ENDOD1: variants seen among roughly 807,000 people sequenced by gnomAD.
ENDOD1 encodes the protein endonuclease domain-containing 1 protein.
In ENDOD1, 9 loss-of-function variants were observed where a neutral mutation model predicts 6.5. The observed-to-expected ratio is 1.39, with a 90% CI of 0.84 to 2.43. The LOEUF (loss-of-function observed/expected upper bound fraction) is 2.43. Among genes scored for constraint, ENDOD1 ranks in the 30% most tolerant of loss-of-function variants. The pLI is 0.00. For missense variants in ENDOD1, 648 were observed against 635.5 expected (o/e 1.02, Z -0.21); for synonymous variants, 255 against 255.2 (o/e 1.00, Z 0.01).
chr11:95,112,645 C>T (rs541700838), intron 1 of ENDOD1, among the ~76,000 whole-genome samples: 2 of 152,336 alleles, frequency 1.3e-5, no homozygotes, highest in East Asian at 3.9e-4. Flanking sequence ...GCTTTACTGA[C>T]CTATCTGTTT....
intron 1 of ENDOD1, among the ~76,000 whole-genome samples, chr11:95,108,221 G>GA (rs1859110370): frequency 6.6e-6 from 1 of 152,122 alleles, no homozygotes; most frequent in Non-Finnish European, 1.5e-5. Context: ...CCACCCTTTC[G>GA]AACGTTTTAT....
chr11:95,113,480 A>G (rs1859170178), intron 1 of ENDOD1, among the ~76,000 whole-genome samples: 1 of 152,162 alleles, frequency 6.6e-6, no homozygotes, highest in Admixed American at 6.5e-5. Flanking sequence ...GATCCCACAA[A>G]TAAGTGAGAA....
chr11:95,118,075 A>T (rs1859227834), intron 1 of ENDOD1, among the ~76,000 whole-genome samples: 1 of 152,088 alleles, frequency 6.6e-6, no homozygotes, highest in Admixed American at 6.6e-5. Flanking sequence ...TGATTCCCCC[A>T]CTTTTTCACT....
chr11:95,126,094 G>T lies in ENDOD1; in HGVS notation c.301-2283G>T, dbSNP rs77474602. ...AGGATCATTGCTCCTTCTAAGAATG[G>T]GGGAAGGCATGGAGTGAATGAGTAG... is the stretch of plus-strand genomic sequence containing the variant. On this transcript the variant is annotated intron_variant, in intron 1 of 1. Coordinates refer to ENST00000278505, the MANE Select transcript of ENDOD1 (RefSeq NM_015036.3). Among the ~76,000 whole-genome samples the T allele has an allele frequency of 7.5e-3, 1,140 of 152,266 alleles. 17 individuals carry two copies. Among genetic ancestry groups the T allele is most frequent in the African/African-American group, 0.026 (1,064 of 41,558 alleles).
chr11:95,127,352 G>C (rs1363299815), intron 1 of ENDOD1, among the ~76,000 whole-genome samples: 1 of 152,144 alleles, frequency 6.6e-6, no homozygotes, highest in East Asian at 1.9e-4. Flanking sequence ...TGTATATATT[G>C]ATGGCAATTG....
At chr11:95,120,076 C>G (rs1387693069) in intron 1 of ENDOD1, among the ~76,000 whole-genome samples, 1 of 152,184 alleles carries the variant, frequency 6.6e-6, no homozygotes, top group East Asian at 1.9e-4. Context: ...GTGGGCTCCC[C>G]TCTGACCCAG....
intron 1 of ENDOD1, among the ~76,000 whole-genome samples, chr11:95,126,654 G>A (rs1212970159): frequency 2.0e-5 from 3 of 151,702 alleles, no homozygotes; most frequent in East Asian, 1.9e-4. Flanking sequence ...TTATCATTAC[G>A]AACCCCTTTA....
At chr11:95,093,588 G>T (rs1299182904) in intron 1 of ENDOD1, among the ~76,000 whole-genome samples, 10 of 152,200 alleles carry the variant, frequency 6.6e-5, no homozygotes, top group African/African-American at 2.4e-4. Context: ...AGCCCTTGAG[G>T]AATGATGATT....
At chr11:95,105,391 AT>A (rs1555111330) in intron 1 of ENDOD1, among the ~76,000 whole-genome samples, 1 of 152,252 alleles carries the variant, frequency 6.6e-6, no homozygotes. Context: ...TGCTGTGTAT[AT>A]AGTTGTAATA....
Position 95,111,727 on chromosome 11 carries a change from C to T in ENDOD1, c.301-16650C>T, listed in dbSNP as rs149355515. Among the ~76,000 whole-genome samples, 1,011 of 152,236 alleles carry T rather than the reference C, an allele frequency of 6.6e-3. 12 individuals carry two copies. Among genetic ancestry groups the T allele is most frequent in the Non-Finnish European group, 7.6e-3 (516 of 68,006 alleles). ...ATGGCTGTAAATATAGATGAAACTT[C>T]GCTTGCTCACCCACTGTTCACCTCC... On this transcript the variant is annotated intron_variant, in intron 1 of 1. Coordinates refer to ENST00000278505, the MANE Select transcript of ENDOD1 (RefSeq NM_015036.3).
intron 1 of ENDOD1, among the ~76,000 whole-genome samples, chr11:95,104,607 A>C (rs1490566000): frequency 6.6e-6 from 1 of 152,162 alleles, no homozygotes; most frequent in Non-Finnish European, 1.5e-5. Context: ...GGTATTTCTG[A>C]TATTTCAAAT....
Position 95,110,574 on chromosome 11 carries a change from C to CGT in ENDOD1, c.301-17800_301-17799dup, listed in dbSNP as rs758027047. On this transcript the variant is annotated intron_variant, in intron 1 of 1. Coordinates refer to ENST00000278505, the MANE Select transcript of ENDOD1 (RefSeq NM_015036.3). The stretch of plus-strand genomic sequence containing the variant: ...ACTCTTTTTTGCTGACTTTCAAGTC[C>CGT]GTGTATGTATGTGTGTGTGTGTGTG... Among the ~76,000 whole-genome samples, 441 of 138,810 alleles carry CGT rather than the reference C, an allele frequency of 3.2e-3. 2 individuals are homozygous for CGT. The highest frequency in any genetic ancestry group is 7.8e-3 in the African/African-American group (279 of 35,832). 91.1% of individuals were successfully genotyped at this position (138,810 alleles called of 152,430 possible).
In ENDOD1 at chr11:95,129,310, C is replaced by T. The variant is rs1343102015; in HGVS notation, c.1234C>T (p.Leu412Phe). 2.5e-6 allele frequency: 4 copies of T among 1,614,072 alleles called. No individual in the cohort carries two copies. Among genetic ancestry groups the T allele is most frequent in the Non-Finnish European group, 3.4e-6 (4 of 1,180,050 alleles). The stretch of plus-strand genomic sequence containing the variant: ...GGTCGTGGCCAAAGTCATCAGGGCT[C>T]TCCTCCGGATCCTTTGTTGTCTGCT... ...LKVVAKVIRA[L>F]LRILCCLLKA... is the part of the protein sequence containing the mutation. The change falls in exon 2 of 2, where the codon CTC becomes TTC. Residue 412 changes from leucine (L) to phenylalanine (F), a missense_variant. Physicochemically the swap from Leu to Phe is conservative, Grantham distance 22. Coordinates refer to ENST00000278505, the MANE Select transcript of ENDOD1 (RefSeq NM_015036.3).
intron 1 of ENDOD1, among the ~76,000 whole-genome samples, chr11:95,097,582 C>G (rs1210201727): frequency 6.6e-6 from 1 of 152,158 alleles, no homozygotes; most frequent in Non-Finnish European, 1.5e-5. Flanking sequence ...GGGTTCTGAG[C>G]AGAGAGCTTC....
chr11:95,118,315 A>C (rs565746933), intron 1 of ENDOD1, among the ~76,000 whole-genome samples: 1 of 152,116 alleles, frequency 6.6e-6, no homozygotes, highest in African/African-American at 2.4e-5. Flanking sequence ...TGATTGAAGT[A>C]CTCCCTTTAG....
In ENDOD1 at chr11:95,108,494, A is replaced by AACACACAC. The variant is rs34439162; in HGVS notation, c.300+18293_300+18300dup. On this transcript the variant is annotated intron_variant, in intron 1 of 1. Coordinates refer to ENST00000278505, the MANE Select transcript of ENDOD1 (RefSeq NM_015036.3). ...AAAAGCTCTGCATTTCTCTTTTCTA[A>AACACACAC]ACACACACACACACACACACACACA... is the stretch of plus-strand genomic sequence containing the variant. 2.5e-3 allele frequency among the ~76,000 whole-genome samples: 368 copies of AACACACAC among 146,498 alleles called. 4 individuals carry two copies. Among genetic ancestry groups the AACACACAC allele is most frequent in the African/African-American group, 5.9e-3 (230 of 39,196 alleles).
chr11:95,114,861 T>G (rs1167447716), intron 1 of ENDOD1, among the ~76,000 whole-genome samples: 1 of 152,224 alleles, frequency 6.6e-6, no homozygotes, highest in Admixed American at 6.5e-5. Context: ...ATGTGTCTGT[T>G]TTTATACCAG....
chr11:95,117,312 G>C (rs1555112574), intron 1 of ENDOD1, among the ~76,000 whole-genome samples: 1 of 152,206 alleles, frequency 6.6e-6, no homozygotes, highest in African/African-American at 2.4e-5. Flanking sequence ...GGGAGGGTGA[G>C]GCAGGAGAAT....
intron 1 of ENDOD1, among the ~76,000 whole-genome samples, chr11:95,116,727 C>T (rs1481949493): frequency 1.3e-5 from 2 of 152,042 alleles, no homozygotes; most frequent in African/African-American, 4.8e-5. Context: ...TTTCAACTTC[C>T]TTCTTAATTT....
Sources: gnomAD v4.1 joint callset for allele counts (sites outside exome capture counted in the v4.1 genomes callset) on GRCh38, gnomAD v4.1.1 for gene constraint, MANE v1.5 for transcripts, NCBI Gene and HGNC (gene_info 2026-07-23, HGNC 2026-07-21) for gene names.